Variants in SPINK5 observed in about 807,000 individuals in gnomAD.
The protein encoded by SPINK5 is serine peptidase inhibitor Kazal type 5, also known as serine protease inhibitor Kazal-type 5.
Under a neutral mutation model 151.8 loss-of-function variants are expected in SPINK5, and 125 were observed. That is an observed-to-expected ratio of 0.82 (90% CI 0.71 to 0.96). The LOEUF is 0.96. SPINK5 is among the 40% of genes least tolerant of loss of function. The pLI is 0.00. For synonymous variants in SPINK5, 374 were observed against 395.3 expected, an observed-to-expected ratio of 0.95 and a Z score of 0.64; for missense variants, 1,194 against 1,291.9, an observed-to-expected ratio of 0.92 and a Z score of 1.16.
At chr5:148,079,374 A>G (rs1387000572) in intron 4 of SPINK5, among the ~76,000 whole-genome samples, 2 of 151,176 alleles carry the variant, frequency 1.3e-5, no homozygotes, top group African/African-American at 2.4e-5. Flanking sequence ...TTACAGATTC[A>G]TTCAGGAAGA....
chr5:148,068,554 CAAAAAAAAAAA>C (rs1166912306), intron 2 of SPINK5, among the ~76,000 whole-genome samples: 1 of 89,232 alleles, frequency 1.1e-5, no homozygotes, highest in Non-Finnish European at 2.2e-5. Flanking sequence ...CCTGCCTCTC[CAAAAAAAAAAA>C]AAAAAAAAAA....
chr5:148,081,021 C>T (rs936457597), intron 4 of SPINK5, among the ~76,000 whole-genome samples: 4 of 151,496 alleles, frequency 2.6e-5, no homozygotes, highest in East Asian at 1.9e-4. Context: ...CAACAAGATG[C>T]GCAACACCGT....
intron 32 of SPINK5, 44 bp downstream of exon 32, chr5:148,133,931 A>G (rs371820196): frequency 2.8e-5 from 44 of 1,596,772 alleles, no homozygotes; most frequent in Non-Finnish European, 3.5e-5. Flanking sequence ...CGTTGTGAGG[A>G]GCACTGGGTT....
At chr5:148,092,655 C>A (rs6894384) in intron 8 of SPINK5, among the ~76,000 whole-genome samples, 102,849 of 151,592 alleles carry the variant, frequency 0.68, 35,600 homozygotes, top group African/African-American at 0.8. Context: ...ATCTCCTTGG[C>A]TGAATCACAA....
intron 13 of SPINK5, among the ~76,000 whole-genome samples, chr5:148,100,814 G>T (rs148613806): frequency 6.6e-6 from 1 of 152,262 alleles, no homozygotes; most frequent in East Asian, 1.9e-4. Flanking sequence ...AAGTAGTTTT[G>T]TCTTTTAAGT....
rs149855679 is a variant in SPINK5, at chr5:148,096,969, C to G, written c.883-898C>G. 3.1e-3 allele frequency among the ~76,000 whole-genome samples: 467 copies of G among 151,694 alleles called. 4 individuals are homozygous for G. The highest frequency in any genetic ancestry group is 6.8e-3 in the Middle Eastern group (2 of 294). On this transcript the variant is annotated intron_variant, in intron 10 of 32. Coordinates refer to ENST00000256084, the MANE Select transcript of SPINK5 (RefSeq NM_006846.4). ...TTTCTTCCCCTCAGTCCTAGGTTAC[C>G]AAGTCCTTTTAATTTTGATATTCAA...
chr5:148,093,796 CT>C (rs573349895), intron 8 of SPINK5, among the ~76,000 whole-genome samples: 55 of 151,896 alleles, frequency 3.6e-4, no homozygotes, highest in Non-Finnish European at 6.3e-4. Context: ...CTTGGTCAGC[CT>C]TATTTTTTCC....
chr5:148,123,521 G>GTGTGTGTATGTATATATATATA (rs1328976077), intron 26 of SPINK5, among the ~76,000 whole-genome samples: 3 of 25,016 alleles, frequency 1.2e-4, no homozygotes, highest in African/African-American at 2.4e-4. Flanking sequence ...CAATATATGT[G>GTGTGTGTATGTATATATATATA]TATATATATA....
chr5:148,086,506 C>T lies in SPINK5; in HGVS notation c.384C>T (p.Asn128=). The change falls in exon 5 of 33, where the codon AAC becomes AAT. Residue 128 remains asparagine (N), a synonymous_variant. Transcript: ENST00000256084. ...VCGTDGKTYD[N]RCALCAENAK... ...GCACAGATGGGAAAACATATGACAA[C>T]AGATGTGCACTGTGTGCTGAGAATG... The T allele has an allele frequency of 6.2e-7, 1 of 1,611,690 alleles. No homozygotes were observed. Among genetic ancestry groups the T allele is most frequent in the Non-Finnish European group, 8.5e-7 (1 of 1,178,662 alleles).
rs201911503 is a variant in SPINK5, at chr5:148,094,439, G to T, written c.752G>T (p.Gly251Val). Residue 251 changes from glycine to valine, a missense_variant, in exon 9 of 33, where the codon GGC becomes GTC. Gly to Val is a moderately radical substitution (Grantham distance 109, BLOSUM62 -3). Transcript: ENST00000256084. ...AGTGATCCAGTCCGTGGCCCTGACG[G>T]CAGGATGCATGGCAACAAATGTGCC... ...RESDPVRGPD[G>V]RMHGNKCALC... 6.8e-6 allele frequency: 11 copies of T among 1,612,832 alleles called. No individual in the cohort carries two copies. The Admixed American group carries it at 1.8e-4, about 27-fold the overall frequency.
intron 16 of SPINK5, among the ~76,000 whole-genome samples, chr5:148,105,758 A>G (rs1056972738): frequency 2.3e-4 from 35 of 150,308 alleles, no homozygotes; most frequent in African/African-American, 7.8e-4. Flanking sequence ...CTGGGATTAC[A>G]GGCACGTGCC....
At chr5:148,129,986 C>T (rs2113230110) in intron 30 of SPINK5, among the ~76,000 whole-genome samples, 1 of 152,158 alleles carries the variant, frequency 6.6e-6, no homozygotes, top group Non-Finnish European at 1.5e-5. Flanking sequence ...TTTCTTGACT[C>T]TGGTCAATTT....
rs180696183 is a variant in SPINK5, at chr5:148,100,493, A to C, written c.1132A>C (p.Lys378Gln). The C allele has an allele frequency of 7.0e-4, 1,122 of 1,613,038 alleles. 6 individuals carry two copies. Among genetic ancestry groups the C allele is most frequent in the Admixed American group, 6.2e-4 (37 of 59,968 alleles). ...SEYRKLVRNG[K>Q]LACTRENDPI... is the part of the protein sequence containing the mutation. ...ATATCGAAAGCTTGTGAGGAACGGA[A>C]AACTTGCTTGCACCAGAGAGAACGA... Residue 378 changes from lysine (K) to glutamine (Q), a missense_variant, in exon 13 of 33, where the codon AAA (lysine) becomes CAA (glutamine). By Grantham distance (53) the Lys-to-Gln change is moderately conservative (BLOSUM62 1). Coordinates refer to ENST00000256084, the MANE Select transcript of SPINK5 (RefSeq NM_006846.4).
chr5:148,064,538 T>C (rs1752526976), intron 1 of SPINK5, among the ~76,000 whole-genome samples: 1 of 152,208 alleles, frequency 6.6e-6, no homozygotes, highest in African/African-American at 2.4e-5. Context: ...TTTAAAGCAG[T>C]GGTATCTTCT....
At chr5:148,114,531 T>C (rs1451545244) in intron 21 of SPINK5, 42 bp downstream of exon 21, 3 of 1,610,950 alleles carry the variant, frequency 1.9e-6, no homozygotes, top group Non-Finnish European at 2.5e-6. Flanking sequence ...ATGGTGGAAT[T>C]GGGGAAGCAA....
At chr5:148,088,160 G>C (rs1434681587) in intron 5 of SPINK5, among the ~76,000 whole-genome samples, 3 of 151,688 alleles carry the variant, frequency 2.0e-5, no homozygotes, top group Non-Finnish European at 4.4e-5. Flanking sequence ...AGTATAGTGG[G>C]ATGTTAGATA....
chr5:148,099,380 A>G, intron 12 of SPINK5, 65 bp downstream of exon 12: 1 of 1,445,700 alleles, frequency 6.9e-7, no homozygotes, highest in Non-Finnish European at 9.6e-7. Flanking sequence ...TAAGAGCCTA[A>G]AGGGTGAGAT....
intron 32 of SPINK5, among the ~76,000 whole-genome samples, chr5:148,134,821 A>G (rs1025035745): frequency 6.6e-6 from 1 of 152,048 alleles, no homozygotes; most frequent in African/African-American, 2.4e-5. Flanking sequence ...ATTATTATTC[A>G]CATTCTCTTT....
At chr5:148,132,435 AAGGTATGGT>A in intron 31 of SPINK5, among the ~76,000 whole-genome samples, 1 of 152,300 alleles carries the variant, frequency 6.6e-6, no homozygotes, top group Admixed American at 6.5e-5. Context: ...AGATATAGGT[AAGGTATGGT>A]AGGTATGGTA....
Sources: allele counts gnomAD v4.1 joint callset (sites outside exome capture counted in the v4.1 genomes callset), GRCh38; gene constraint gnomAD v4.1.1; transcripts MANE v1.5; gene names NCBI Gene and HGNC (gene_info 2026-07-23, HGNC 2026-07-21).